The following STK3 variants were observed in gnomAD, a reference collection of about 807,000 sequenced individuals.
STK3 encodes the protein serine/threonine kinase 3, also known as serine/threonine-protein kinase 3.
STK3 carries 41 observed loss-of-function variants against 58.0 expected under a neutral mutation model. That is an observed-to-expected ratio of 0.71 (90% CI 0.55 to 0.92). STK3 has a LOEUF of 0.92. Ranked by LOEUF, STK3 falls within the 40% of genes least tolerant of loss-of-function variation. The pLI is 0.00. For missense variants in STK3, 479 were observed against 602.7 expected, an observed-to-expected ratio of 0.79 and a Z score of 2.15; for synonymous variants, 170 against 191.0, an observed-to-expected ratio of 0.89 and a Z score of 0.91.
intron 4 of STK3, among the ~76,000 whole-genome samples, chr8:98,741,626 G>A (rs1249955904): frequency 2.6e-5 from 4 of 152,184 alleles, no homozygotes; most frequent in South Asian, 4.2e-4. Context: ...AGCACTAAAT[G>A]CCCACAAGAG....
intron 1 of STK3, among the ~76,000 whole-genome samples, chr8:98,919,308 T>G (rs2132002684): frequency 6.6e-6 from 1 of 152,310 alleles, no homozygotes; most frequent in East Asian, 1.9e-4. Flanking sequence ...CATCTGTCCA[T>G]TCACCTACCC....
chr8:98,725,722 T>C (rs2131213795), intron 4 of STK3, among the ~76,000 whole-genome samples: 1 of 152,302 alleles, frequency 6.6e-6, no homozygotes, highest in Non-Finnish European at 1.5e-5. Flanking sequence ...TCACTTGTGA[T>C]TTAAAACTAA....
At position 98,681,004 on chromosome 8, in the gene STK3, T is replaced by G. The variant is rs374870999; in HGVS notation, c.684+25463A>C. 1.7e-3 allele frequency among the ~76,000 whole-genome samples: 242 copies of G among 145,872 alleles called. 3 individuals carry two copies. Among genetic ancestry groups the G allele is most frequent in the Middle Eastern group, 7.0e-3 (2 of 286 alleles). ...TTCTTTTTTTTTTTTTTTTTTGGTG[T>G]TGTTGTTGTTTTGAGATGGAGTCTC... On this transcript the variant is annotated intron_variant, in intron 6 of 10. Coordinates refer to ENST00000419617, the MANE Select transcript of STK3 (RefSeq NM_006281.4).
intron 4 of STK3, among the ~76,000 whole-genome samples, chr8:98,731,134 A>C (rs1828167021): frequency 6.6e-6 from 1 of 152,236 alleles, no homozygotes; most frequent in Admixed American, 6.5e-5. Context: ...TATATAAGGC[A>C]CAAGTGAGTA....
intron 6 of STK3, among the ~76,000 whole-genome samples, chr8:98,678,509 TAAAC>T (rs1823389118): frequency 6.6e-6 from 1 of 152,130 alleles, no homozygotes; most frequent in African/African-American, 2.4e-5. Context: ...CCTTTCGCCT[TAAAC>T]AAAGAAACCA....
At chr8:98,649,272 T>A (rs1820677000) in intron 6 of STK3, among the ~76,000 whole-genome samples, 1 of 152,158 alleles carries the variant, frequency 6.6e-6, no homozygotes, top group South Asian at 2.1e-4. Context: ...GAAGTATAAA[T>A]ATTTTTCCCA....
chr8:98,677,404 C>A (rs928468098), intron 6 of STK3, among the ~76,000 whole-genome samples: 1 of 146,218 alleles, frequency 6.8e-6, no homozygotes, highest in Non-Finnish European at 1.5e-5. Context: ...CTGGATCCCC[C>A]AGGAATTGAC....
At chr8:98,385,228 G>A (rs572090189) in intron 1 of STK3, among the ~76,000 whole-genome samples, 1 of 152,196 alleles carries the variant, frequency 6.6e-6, no homozygotes, top group South Asian at 2.1e-4. Flanking sequence ...TAGATTTGGA[G>A]GGTGGGTGGC....
chr8:98,765,142 T>C (rs989965832), intron 3 of STK3, among the ~76,000 whole-genome samples: 2 of 152,204 alleles, frequency 1.3e-5, no homozygotes, highest in Non-Finnish European at 2.9e-5. Flanking sequence ...CTTGAACTAT[T>C]TTTAACCATA....
intron 10 of STK3, among the ~76,000 whole-genome samples, chr8:98,469,419 T>G (rs1820750298): frequency 1.3e-5 from 2 of 152,244 alleles, no homozygotes; most frequent in Non-Finnish European, 2.9e-5. Flanking sequence ...GCGCTGGGGC[T>G]GGACCAAGCT....
At chr8:98,429,538 G>T (rs1367498245) in intron 3 of STK3, 1 of 668,808 alleles carries the variant, frequency 1.5e-6, no homozygotes, top group Non-Finnish European at 2.6e-6. Flanking sequence ...GAGATGCATG[G>T]GATATGCACC....
chr8:98,839,546 A>G (rs1835884379), intron 3 of STK3, among the ~76,000 whole-genome samples: 1 of 152,234 alleles, frequency 6.6e-6, no homozygotes, highest in African/African-American at 2.4e-5. Context: ...ACCTGACACT[A>G]TGGAATATCC....
chr8:98,611,039 T>A (rs1337281169), intron 6 of STK3, among the ~76,000 whole-genome samples: 3 of 152,128 alleles, frequency 2.0e-5, no homozygotes, highest in Non-Finnish European at 4.4e-5. Flanking sequence ...AGCAGATGTT[T>A]ACACAAAGGC....
rs1838306385 is a variant in STK3 at position 98,893,478 on chromosome 8, GAAAGAA to G, written c.-78-9650_-78-9645del. 7.5e-4 allele frequency among the ~76,000 whole-genome samples: 49 copies of G among 65,216 alleles called. 1 individual carries two copies. Among genetic ancestry groups the G allele is most frequent in the African/African-American group, 2.5e-3 (34 of 13,702 alleles). The allele number at this position is 65,216 out of a possible 152,430, so 42.8% of individuals were successfully genotyped here. A position where few individuals can be genotyped will look rare whatever the true frequency, so the allele number is the denominator to read the frequency against. ...AGAAAGAAAGAAAGAAAGAAAGAAA[GAAAGAA>G]AGAGAAAGAAAGAAAGAAAGAAAGA... On this transcript the variant is annotated intron_variant, in intron 1 of 1. Coordinates refer to the STK3 transcript ENST00000519420.
chr8:98,829,414 A>G (rs1311361383), upstream of STK3, among the ~76,000 whole-genome samples: 3 of 152,234 alleles, frequency 2.0e-5, no homozygotes, highest in African/African-American at 7.2e-5. Context: ...TGATACACCC[A>G]TAAAGAATTG....
In STK3 at chr8:98,563,295, T is replaced by C. The variant is rs556019300; in HGVS notation, c.949-15134A>G. Among the ~76,000 whole-genome samples, 6 of 152,256 alleles carry C rather than the reference T, an allele frequency of 3.9e-5. No individual in the cohort carries two copies. In the South Asian group the frequency reaches 1.2e-3, roughly 32 times the overall value. On this transcript the variant is annotated intron_variant, in intron 8 of 10. Coordinates refer to ENST00000419617, the MANE Select transcript of STK3 (RefSeq NM_006281.4). ...GCCAGGTTTCTCACCATTGGAGTTG[T>C]AGGTTATAAACAAGCAAGAGGACCC...
intron 1 of STK3, among the ~76,000 whole-genome samples, chr8:98,893,414 G>T (rs1300793635): frequency 1.3e-5 from 1 of 79,898 alleles, no homozygotes; most frequent in African/African-American, 5.5e-5. Context: ...AAGAAGGAAG[G>T]AAGGAAGGAA....
chr8:98,581,346 GTTC>G (rs1418776767), intron 7 of STK3, among the ~76,000 whole-genome samples: 1 of 152,126 alleles, frequency 6.6e-6, no homozygotes, highest in Non-Finnish European at 1.5e-5. Context: ...AGGTTGTTGG[GTTC>G]TTATTCCTGC....
intron 4 of STK3, among the ~76,000 whole-genome samples, chr8:98,721,481 C>G (rs547703328): frequency 6.6e-6 from 1 of 151,216 alleles, no homozygotes; most frequent in Non-Finnish European, 1.5e-5. Context: ...CCAGGCTGGG[C>G]AACATAGTGA....
Sources: gnomAD v4.1 joint callset for allele counts (sites outside exome capture counted in the v4.1 genomes callset) on GRCh38, gnomAD v4.1.1 for gene constraint, MANE v1.5 for transcripts, NCBI Gene and HGNC (gene_info 2026-07-23, HGNC 2026-07-21) for gene names.